SYNPR: variants seen among roughly 807,000 people sequenced by gnomAD.
SYNPR encodes the protein synaptoporin.
SYNPR carries 23 observed loss-of-function variants against 32.9 expected under a neutral mutation model. The observed-to-expected ratio is 0.70, with a 90% CI of 0.50 to 0.99. The LOEUF is 0.99. Ranked by LOEUF, SYNPR falls within the 50% of genes least tolerant of loss-of-function variation. The pLI is 0.00. For missense variants in SYNPR, 318 were observed against 349.3 expected, an observed-to-expected ratio of 0.91 and a Z score of 0.71; for synonymous variants, 146 against 135.9, an observed-to-expected ratio of 1.07 and a Z score of -0.52.
chr3:63,360,880 A>G (rs904739925), intron 2 of SYNPR, among the ~76,000 whole-genome samples: 8 of 152,142 alleles, frequency 5.3e-5, no homozygotes, highest in African/African-American at 1.9e-4. Context: ...GCTATCCAAG[A>G]TCACCCATGA....
intron 1 of SYNPR, among the ~76,000 whole-genome samples, chr3:63,234,187 G>A (rs2086184432): frequency 6.6e-6 from 1 of 152,130 alleles, no homozygotes. Flanking sequence ...ATGGATGGCA[G>A]CAGACAAAGA....
chr3:63,346,556 C>T (rs922270658), intron 2 of SYNPR, among the ~76,000 whole-genome samples: 1 of 152,090 alleles, frequency 6.6e-6, no homozygotes, highest in Non-Finnish European at 1.5e-5. Context: ...ACTGAAACCT[C>T]CGCCTCCTGG....
chr3:63,337,756 A>G (rs1164494661), intron 2 of SYNPR, among the ~76,000 whole-genome samples: 1 of 152,198 alleles, frequency 6.6e-6, no homozygotes, highest in Non-Finnish European at 1.5e-5. Flanking sequence ...AAAGAAGCCA[A>G]CCTGAAAAGC....
At chr3:63,585,763 C>T (rs1452698080) in intron 4 of SYNPR, among the ~76,000 whole-genome samples, 1 of 152,038 alleles carries the variant, frequency 6.6e-6, no homozygotes, top group African/African-American at 2.4e-5. Flanking sequence ...AAGATTATTA[C>T]TTTTTAATTC....
chr3:63,297,009 T>C (rs2086796583), intron 2 of SYNPR, among the ~76,000 whole-genome samples: 1 of 152,172 alleles, frequency 6.6e-6, no homozygotes, highest in Non-Finnish European at 1.5e-5. Context: ...GAGTTTTTAA[T>C]TTAATTTATT....
chr3:63,279,599 G>T (rs192763571), intron 2 of SYNPR, among the ~76,000 whole-genome samples: 1 of 152,326 alleles, frequency 6.6e-6, no homozygotes, highest in Admixed American at 6.5e-5. Context: ...CAGGTCACAC[G>T]TTTCGTCTTG....
At chr3:63,221,723 T>C in the SYNPR span, among the ~76,000 whole-genome samples, 11 of 152,292 alleles carry the variant, frequency 7.2e-5, no homozygotes, top group Non-Finnish European at 1.5e-4. Flanking sequence ...ATGGACTCTT[T>C]AGTCAGCAAC....
intron 2 of SYNPR, chr3:63,445,474 T>C (rs1700259158): frequency 3.0e-6 from 2 of 675,836 alleles, no homozygotes; most frequent in Admixed American, 4.4e-5. Flanking sequence ...CATTAAAGAC[T>C]TTTGTCATTT....
intron 3 of SYNPR, among the ~76,000 whole-genome samples, chr3:63,526,802 AG>A (rs1216059697): frequency 6.6e-6 from 1 of 152,184 alleles, no homozygotes; most frequent in African/African-American, 2.4e-5. Context: ...CCTGGAAATG[AG>A]GGGAATACTA....
chr3:63,290,141 A>AAAAAAAAATC lies in SYNPR; in HGVS notation c.84+11401_84+11402insAAAAAATCAA, dbSNP rs11280661. On this transcript the variant is annotated intron_variant, in intron 2 of 5. Transcript: ENST00000478300. ...CAAGACTCCGTCTCAAAAAACAAAA[A>AAAAAAAAATC]AACTCCTTTTCACATATGAAAAAAT... 3.5e-4 allele frequency among the ~76,000 whole-genome samples: 51 copies of AAAAAAAAATC among 145,516 alleles called. 2 individuals carry two copies. Among genetic ancestry groups the AAAAAAAAATC allele is most frequent in the African/African-American group, 1.1e-3 (42 of 39,078 alleles).
At position 63,519,301 on chromosome 3, in the gene SYNPR, A is replaced by T. The variant is rs1270291001; in HGVS notation, c.210-37242A>T. ...TCTGGCACCATATAATTGTGAAACC[A>T]TGAAAGAGTCATTCATCCTTTCTTA... On this transcript the variant is annotated intron_variant, in intron 3 of 5. Coordinates refer to ENST00000478300, the MANE Select transcript of SYNPR (RefSeq NM_001130003.2). 2.6e-5 allele frequency among the ~76,000 whole-genome samples: 4 copies of T among 152,208 alleles called. No individual in the cohort carries two copies. In the South Asian group the frequency reaches 8.3e-4, roughly 32 times the overall value.
At chr3:63,369,599 G>A (rs971909209) in intron 2 of SYNPR, among the ~76,000 whole-genome samples, 2 of 152,128 alleles carry the variant, frequency 1.3e-5, no homozygotes, top group Admixed American at 6.5e-5. Flanking sequence ...TTTAAAGTTT[G>A]GAACCTGGTG....
At chr3:63,453,737 C>T (rs949879745) in intron 2 of SYNPR, among the ~76,000 whole-genome samples, 4 of 152,062 alleles carry the variant, frequency 2.6e-5, no homozygotes, top group African/African-American at 4.8e-5. Context: ...GAGTGACTTA[C>T]GTTTTTGAGC....
At chr3:63,403,244 A>C (rs1332644741) in intron 2 of SYNPR, among the ~76,000 whole-genome samples, 1 of 152,128 alleles carries the variant, frequency 6.6e-6, no homozygotes, top group Non-Finnish European at 1.5e-5. Context: ...CCTAGTCTGG[A>C]CTATGAGTTT....
intron 2 of SYNPR, among the ~76,000 whole-genome samples, chr3:63,480,181 G>C (rs547340256): frequency 6.6e-6 from 1 of 152,136 alleles, no homozygotes; most frequent in African/African-American, 2.4e-5. Context: ...TCTACACCAG[G>C]ATAGACCATG....
intron 2 of SYNPR, among the ~76,000 whole-genome samples, chr3:63,441,257 G>A (rs547665224): frequency 3.2e-4 from 49 of 152,292 alleles, no homozygotes; most frequent in Non-Finnish European, 6.6e-4. Context: ...ATCTGGCAAG[G>A]AGTAAATATT....
At chr3:63,364,488 G>A (rs1416777284) in intron 2 of SYNPR, among the ~76,000 whole-genome samples, 4 of 152,100 alleles carry the variant, frequency 2.6e-5, no homozygotes, top group African/African-American at 7.2e-5. Context: ...ATTTGGCTTC[G>A]AATAGTCAAA....
intron 2 of SYNPR, among the ~76,000 whole-genome samples, chr3:63,380,108 T>A (rs1388613765): frequency 6.6e-6 from 1 of 152,034 alleles, no homozygotes; most frequent in African/African-American, 2.4e-5. Context: ...TTGGGTTGGT[T>A]CCAAGTCTTT....
At chr3:63,305,319 C>T (rs1028402367) in intron 2 of SYNPR, among the ~76,000 whole-genome samples, 6 of 152,030 alleles carry the variant, frequency 3.9e-5, no homozygotes, top group Non-Finnish European at 7.4e-5. Flanking sequence ...TAAACTAGTA[C>T]TTAATCCCTG....
Sources: gnomAD v4.1 joint callset for allele counts (sites outside exome capture counted in the v4.1 genomes callset) on GRCh38, gnomAD v4.1.1 for gene constraint, MANE v1.5 for transcripts, NCBI Gene and HGNC (gene_info 2026-07-23, HGNC 2026-07-21) for gene names.